MRPS28: variants seen among roughly 807,000 people sequenced by gnomAD.
The protein encoded by MRPS28 is mitochondrial ribosomal protein S28.
A neutral mutation model predicts 10.8 loss-of-function variants in MRPS28; 7 were observed. That is an observed-to-expected ratio of 0.65 (90% confidence interval 0.37 to 1.22). The LOEUF (loss-of-function observed/expected upper bound fraction) is 1.22. MRPS28 is among the 50% of genes most tolerant of loss of function. MRPS28 has a pLI of 0.02. For synonymous variants in MRPS28, 121 were observed against 93.3 expected (o/e 1.30, Z -1.71); for missense variants, 265 against 232.9 (o/e 1.14, Z -0.90).
intron 2 of MRPS28, among the ~76,000 whole-genome samples, chr8:79,959,910 C>T (rs923337202): frequency 6.6e-6 from 1 of 152,108 alleles, no homozygotes; most frequent in African/African-American, 2.4e-5. Context: ...TGTACTTTCT[C>T]TTCTTGAAAA....
At chr8:80,009,792 C>T (rs1808981170) in intron 1 of MRPS28, among the ~76,000 whole-genome samples, 1 of 151,936 alleles carries the variant, frequency 6.6e-6, no homozygotes. Context: ...AGTATGAGCA[C>T]GTGAGGAGGG....
At chr8:79,929,281 G>A (rs994351048) in intron 2 of MRPS28, among the ~76,000 whole-genome samples, 1 of 152,262 alleles carries the variant, frequency 6.6e-6, no homozygotes. Flanking sequence ...ATAAGCTAAT[G>A]TAATTTTAGG....
intron 2 of MRPS28, among the ~76,000 whole-genome samples, chr8:79,941,416 A>G (rs1285354156): frequency 1.3e-5 from 2 of 149,440 alleles, no homozygotes; most frequent in African/African-American, 4.9e-5. Context: ...CTCTCTGTAT[A>G]TAACATTTTG....
chr8:79,953,398 AG>A (rs923229892), intron 2 of MRPS28, among the ~76,000 whole-genome samples: 2 of 152,188 alleles, frequency 1.3e-5, no homozygotes, highest in African/African-American at 4.8e-5. Flanking sequence ...TACAGAATAG[AG>A]ATACCAGAAA....
chr8:79,950,083 A>C (rs1807041796), intron 2 of MRPS28, among the ~76,000 whole-genome samples: 1 of 152,088 alleles, frequency 6.6e-6, no homozygotes, highest in Admixed American at 6.5e-5. Context: ...CAAGCAAAAA[A>C]CCCCAGCTTC....
chr8:80,025,299 T>A (rs1809467533), intron 1 of MRPS28, among the ~76,000 whole-genome samples: 1 of 152,190 alleles, frequency 6.6e-6, no homozygotes, highest in African/African-American at 2.4e-5. Flanking sequence ...AATTGTCGAA[T>A]ATCAAGAAAA....
intron 2 of MRPS28, among the ~76,000 whole-genome samples, chr8:79,982,393 G>A (rs969322379): frequency 2.0e-5 from 3 of 152,226 alleles, no homozygotes; most frequent in Admixed American, 2.0e-4. Flanking sequence ...ATCTCACTGG[G>A]GAGTGCCAGA....
At chr8:79,950,944 T>C (rs1037857802) in intron 2 of MRPS28, among the ~76,000 whole-genome samples, 1 of 152,176 alleles carries the variant, frequency 6.6e-6, no homozygotes, top group African/African-American at 2.4e-5. Flanking sequence ...CAACCTAATA[T>C]CTACCACTCC....
chr8:79,976,479 C>A (rs769622352), intron 2 of MRPS28, among the ~76,000 whole-genome samples: 20 of 152,118 alleles, frequency 1.3e-4, no homozygotes, highest in Non-Finnish European at 2.8e-4. Context: ...CCAAGGTAGA[C>A]GGATCTCTTA....
chr8:79,920,474 A>G (rs1191052141), intron 2 of MRPS28, among the ~76,000 whole-genome samples: 1 of 152,166 alleles, frequency 6.6e-6, no homozygotes, highest in African/African-American at 2.4e-5. Context: ...CTTTTTAATG[A>G]TCACCATTCT....
chr8:79,997,032 T>C (rs763568332), intron 2 of MRPS28, among the ~76,000 whole-genome samples: 3 of 152,190 alleles, frequency 2.0e-5, no homozygotes, highest in Admixed American at 6.5e-5. Context: ...GTGAAGAATA[T>C]ATAAGACAAT....
intron 2 of MRPS28, among the ~76,000 whole-genome samples, chr8:79,948,541 T>C (rs61391780): frequency 0.034 from 5,205 of 152,268 alleles, 236 homozygotes; most frequent in African/African-American, 0.097. Flanking sequence ...GACATCTATG[T>C]CTTATTTCTG....
chr8:79,975,012 C>A (rs1043472790), intron 2 of MRPS28, among the ~76,000 whole-genome samples: 4 of 152,104 alleles, frequency 2.6e-5, no homozygotes, highest in Non-Finnish European at 5.9e-5. Context: ...AGGCTAGGCA[C>A]AGTAGCTCAC....
chr8:79,997,999 G>A (rs1301919367), intron 2 of MRPS28, among the ~76,000 whole-genome samples: 2 of 150,572 alleles, frequency 1.3e-5, no homozygotes, highest in African/African-American at 4.9e-5. Flanking sequence ...AAGTTGCAAT[G>A]AGCTGAGATC....
At chr8:79,933,293 GC>G (rs2129904343) in intron 2 of MRPS28, among the ~76,000 whole-genome samples, 1 of 152,258 alleles carries the variant, frequency 6.6e-6, no homozygotes, top group South Asian at 2.1e-4. Context: ...ACCTCACGTG[GC>G]CCTCTCTCAC....
chr8:79,978,494 A>C (rs1174763342), intron 2 of MRPS28, among the ~76,000 whole-genome samples: 1 of 152,220 alleles, frequency 6.6e-6, no homozygotes, highest in African/African-American at 2.4e-5. Context: ...GTACTAGCTC[A>C]CGACTTTGCA....
intron 2 of MRPS28, among the ~76,000 whole-genome samples, chr8:79,924,845 TAAAG>T (rs1443952672): frequency 6.6e-6 from 1 of 152,194 alleles, no homozygotes; most frequent in Non-Finnish European, 1.5e-5. Flanking sequence ...AAGATGCCTA[TAAAG>T]AGTCTCTCAT....
At chr8:79,927,150 T>C (rs1006720707) in intron 2 of MRPS28, among the ~76,000 whole-genome samples, 2 of 152,242 alleles carry the variant, frequency 1.3e-5, no homozygotes, top group African/African-American at 4.8e-5. Context: ...TTTTCCATTA[T>C]GAAAATTAAA....
chr8:80,017,118 GAATTT>G (rs2130223071), intron 1 of MRPS28, among the ~76,000 whole-genome samples: 1 of 152,062 alleles, frequency 6.6e-6, no homozygotes, highest in East Asian at 1.9e-4. Context: ...GACCACACTA[GAATTT>G]AACTAGAAAT....
Sources: gnomAD v4.1 joint callset for allele counts (sites outside exome capture counted in the v4.1 genomes callset) on GRCh38, gnomAD v4.1.1 for gene constraint, MANE v1.5 for transcripts, NCBI Gene and HGNC (gene_info 2026-07-23, HGNC 2026-07-21) for gene names.